The following TXNDC11 variants were observed in gnomAD, a reference collection of about 807,000 sequenced individuals.
The protein encoded by TXNDC11 is thioredoxin domain-containing protein 11.
In TXNDC11, 68 loss-of-function variants were observed where a neutral mutation model predicts 78.0. The ratio of observed to expected loss-of-function variants is 0.87; its 90% CI spans 0.72 to 1.07. TXNDC11 has a LOEUF of 1.07. Ranked by LOEUF, TXNDC11 falls within the 50% of genes least tolerant of loss-of-function variation. The probability of loss-of-function intolerance (pLI) is 0.00; values close to 1 mark genes in which losing one functional copy is unlikely to be tolerated. For synonymous variants in TXNDC11, 571 were observed against 495.2 expected (o/e 1.15, Z -2.03); for missense variants, 1,389 against 1,221.8 (o/e 1.14, Z -2.04).
chr16:11,697,574 C>G (rs1439105880), intron 7 of TXNDC11, among the ~76,000 whole-genome samples: 2 of 152,202 alleles, frequency 1.3e-5, no homozygotes, highest in Admixed American at 1.3e-4. Flanking sequence ...CAGGCAGGAA[C>G]AGCAGGCTCC....
intron 11 of TXNDC11, 74 bp downstream of exon 11, chr16:11,684,091 C>T: frequency 9.3e-7 from 1 of 1,069,822 alleles, no homozygotes; most frequent in Non-Finnish European, 1.4e-6. Flanking sequence ...TGATTTACAT[C>T]TTAAACCCAT....
chr16:11,692,481 G>C (rs1335511118), intron 7 of TXNDC11, among the ~76,000 whole-genome samples: 1 of 151,896 alleles, frequency 6.6e-6, no homozygotes. Context: ...ATGCCAAAGA[G>C]AAGCCAAAAA....
At chr16:11,720,266 C>T (rs1371859901) in intron 5 of TXNDC11, among the ~76,000 whole-genome samples, 1 of 152,156 alleles carries the variant, frequency 6.6e-6, no homozygotes, top group Non-Finnish European at 1.5e-5. Context: ...GTAGCCTATG[C>T]TGTAATGTGA....
At chr16:11,683,108 A>T (rs2050470547) in intron 11 of TXNDC11, among the ~76,000 whole-genome samples, 1 of 152,186 alleles carries the variant, frequency 6.6e-6, no homozygotes, top group Non-Finnish European at 1.5e-5. Context: ...AACCAAAGGG[A>T]ATCTATAAAA....
At chr16:11,694,215 T>G (rs548898585) in intron 7 of TXNDC11, among the ~76,000 whole-genome samples, 1 of 146,868 alleles carries the variant, frequency 6.8e-6, no homozygotes, top group African/African-American at 2.5e-5. Flanking sequence ...GTTCAAGCAA[T>G]TCTCCTGCCT....
Position 11,688,462 on chromosome 16 carries a change from A to G in TXNDC11, c.1901-17T>C, listed in dbSNP as rs2050624569. The G allele has an allele frequency of 6.3e-7, 1 of 1,590,946 alleles. No individual in the cohort carries two copies. Among genetic ancestry groups the G allele is most frequent in the East Asian group, 2.2e-5 (1 of 44,712 alleles). Reference sequence around the variant, plus strand: ...TAAAAGACTCTAAAAATAAAGAGAAAATGAGATCAACTCTCCTCTAGATAC... The same window carrying G: ...TAAAAGACTCTAAAAATAAAGAGAAGATGAGATCAACTCTCCTCTAGATAC... On this transcript the variant is annotated splice_polypyrimidine_tract_variant and intron_variant, in intron 8 of 11. Coordinates refer to ENST00000283033, the MANE Select transcript of TXNDC11 (RefSeq NM_015914.7).
intron 4 of TXNDC11, among the ~76,000 whole-genome samples, chr16:11,722,202 C>A (rs2051728429): frequency 6.6e-6 from 1 of 152,188 alleles, no homozygotes; most frequent in Non-Finnish European, 1.5e-5. Flanking sequence ...AAACAAACCA[C>A]AGAACCCCCG....
rs774490194 is a variant in TXNDC11, at chr16:11,691,898, T to C, written c.1292A>G (p.Gln431Arg). ...SPCCNTVVLP[Q>R]WHSFSRTHNV... ...GTGGGTCCTGGAGAAGGAGTGCCAC[T>C]GGGGCAGCACCACAGTGTTGCAGCA... Residue 431 changes from glutamine (Q) to arginine (R), a missense_variant, in exon 8 of 12, where the codon CAG becomes CGG. Gln to Arg is a conservative substitution (Grantham distance 43). Transcript: ENST00000283033. 17 of 1,614,132 alleles carry C rather than the reference T, an allele frequency of 1.1e-5. No homozygotes were observed. In the East Asian group the frequency reaches 3.8e-4, roughly 36 times the overall value.
At chr16:11,688,056 C>T (rs967794573) in intron 9 of TXNDC11, 90 bp from the exon 10 acceptor site, 27 of 1,077,502 alleles carry the variant, frequency 2.5e-5, no homozygotes, top group African/African-American at 3.1e-5. Context: ...AGCAAGCACC[C>T]GAAAAATGCT....
At chr16:11,706,432 G>A (rs1000164885) in intron 5 of TXNDC11, among the ~76,000 whole-genome samples, 1 of 152,218 alleles carries the variant, frequency 6.6e-6, no homozygotes, top group Non-Finnish European at 1.5e-5. Flanking sequence ...GCACCATCTA[G>A]ACCCATCACA....
chr16:11,722,142 T>C (rs2051726672), intron 4 of TXNDC11, among the ~76,000 whole-genome samples: 1 of 152,234 alleles, frequency 6.6e-6, no homozygotes, highest in South Asian at 2.1e-4. Flanking sequence ...CTTCACACTT[T>C]GCTGGAAATC....
Position 11,711,487 on chromosome 16 carries a change from C to T in TXNDC11, c.793+10090G>A, listed in dbSNP as rs571738626. Among the ~76,000 whole-genome samples, 14 of 152,302 alleles carry T rather than the reference C, an allele frequency of 9.2e-5. No homozygotes were observed. In the South Asian group the frequency reaches 1.9e-3, roughly 20 times the overall value. On this transcript the variant is annotated intron_variant, in intron 5 of 11. Transcript: ENST00000283033. ...TCCAGCTCCAAAGGTTACCCACATC[C>T]CTTGGTTTGTGGCCCTTTCCTCCTT...
At chr16:11,683,131 T>C (rs1214870334) in intron 11 of TXNDC11, among the ~76,000 whole-genome samples, 2 of 152,142 alleles carry the variant, frequency 1.3e-5, no homozygotes, top group Non-Finnish European at 2.9e-5. Flanking sequence ...GGAGCAAACA[T>C]CCAGTGTATT....
intron 7 of TXNDC11, among the ~76,000 whole-genome samples, chr16:11,693,166 C>T (rs1376652634): frequency 1.3e-5 from 2 of 152,210 alleles, no homozygotes; most frequent in Non-Finnish European, 2.9e-5. Flanking sequence ...GCTCAGTAAA[C>T]CCCTGATGAA....
intron 2 of TXNDC11, among the ~76,000 whole-genome samples, chr16:11,734,565 T>C (rs763239507): frequency 1.3e-5 from 2 of 152,182 alleles, no homozygotes; most frequent in Non-Finnish European, 2.9e-5. Flanking sequence ...TGGTTGAGAA[T>C]TGGCATGGGG....
chr16:11,724,218 G>A lies in TXNDC11; in HGVS notation c.700-2548C>T, dbSNP rs534540498. ...GAATTGCTTGAACCTGGGAGGTGGA[G>A]GCTACAGTGAGCAGAGATCGCACCA... On this transcript the variant is annotated intron_variant, in intron 4 of 11. Coordinates refer to ENST00000283033, the MANE Select transcript of TXNDC11 (RefSeq NM_015914.7). 3.3e-5 allele frequency among the ~76,000 whole-genome samples: 5 copies of A among 152,266 alleles called. No homozygotes were observed. The South Asian group carries it at 6.2e-4, about 19-fold the overall frequency.
At chr16:11,684,421 T>C (rs568002589) in intron 10 of TXNDC11, among the ~76,000 whole-genome samples, 176 bp from the exon 11 acceptor site, 1 of 152,294 alleles carries the variant, frequency 6.6e-6, no homozygotes, top group African/African-American at 2.4e-5. Context: ...TTCCAAGACA[T>C]ACAACATTCT....
chr16:11,693,353 T>G (rs894773909), intron 7 of TXNDC11, among the ~76,000 whole-genome samples: 1 of 152,202 alleles, frequency 6.6e-6, no homozygotes, highest in African/African-American at 2.4e-5. Flanking sequence ...ACATGTAAGT[T>G]ATAATCCAAA....
At chr16:11,730,196 C>G (rs57794283) in intron 4 of TXNDC11, among the ~76,000 whole-genome samples, 2,658 of 152,256 alleles carry the variant, frequency 0.017, 86 homozygotes, top group African/African-American at 0.061. Flanking sequence ...TTAAGACCTT[C>G]AAATAGTTAT....
Sources: gnomAD v4.1 joint callset for allele counts (sites outside exome capture counted in the v4.1 genomes callset) on GRCh38, gnomAD v4.1.1 for gene constraint, MANE v1.5 for transcripts, NCBI Gene and HGNC (gene_info 2026-07-23, HGNC 2026-07-21) for gene names.